Variants in ZBTB16 observed in about 807,000 individuals in gnomAD.
ZBTB16 encodes zinc finger and BTB domain-containing protein 16.
ZBTB16 carries 8 observed loss-of-function variants against 56.8 expected under a neutral mutation model. That is an observed-to-expected ratio of 0.14 (90% CI 0.08 to 0.25). ZBTB16 has a LOEUF of 0.25. Among genes scored for constraint, ZBTB16 ranks in the 10% least tolerant of loss-of-function variants. The pLI, the probability that ZBTB16 is intolerant of heterozygous loss-of-function variation, is 1.00. For missense variants in ZBTB16, 625 were observed against 903.0 expected, an observed-to-expected ratio of 0.69 and a Z score of 3.95; for synonymous variants, 363 against 368.5, an observed-to-expected ratio of 0.98 and a Z score of 0.17.
intron 4 of ZBTB16, among the ~76,000 whole-genome samples, chr11:114,220,792 G>C (rs763582331): frequency 2.4e-4 from 36 of 152,248 alleles, no homozygotes; most frequent in Non-Finnish European, 4.0e-4. Context: ...TCTAGGGACG[G>C]TCATGAGGAC....
At chr11:114,154,744 G>T (rs529600955) in intron 2 of ZBTB16, among the ~76,000 whole-genome samples, 1 of 152,194 alleles carries the variant, frequency 6.6e-6, no homozygotes, top group South Asian at 2.1e-4. Context: ...GTGTGTGTGT[G>T]TGTATGTTTG....
At chr11:114,168,700 C>G (rs913202308) in intron 3 of ZBTB16, among the ~76,000 whole-genome samples, 1 of 152,172 alleles carries the variant, frequency 6.6e-6, no homozygotes, top group African/African-American at 2.4e-5. Context: ...GCCCTGGCCT[C>G]GTGCTGTTTG....
At chr11:114,216,802 A>G (rs1025389788) in intron 4 of ZBTB16, among the ~76,000 whole-genome samples, 1 of 152,234 alleles carries the variant, frequency 6.6e-6, no homozygotes, top group African/African-American at 2.4e-5. Context: ...CATTTATTGC[A>G]TATCTACTAT....
At chr11:114,148,429 C>CTGTCTGTCTGTCTG (rs1942184607) in intron 2 of ZBTB16, among the ~76,000 whole-genome samples, 1 of 34,290 alleles carries the variant, frequency 2.9e-5, no homozygotes, top group East Asian at 4.9e-4. Context: ...CCCTCCCTCT[C>CTGTCTGTCTGTCTG]TCTCTCTTTC....
intron 2 of ZBTB16, among the ~76,000 whole-genome samples, chr11:114,081,776 G>A (rs1939770946): frequency 6.6e-6 from 1 of 152,180 alleles, no homozygotes; most frequent in African/African-American, 2.4e-5. Flanking sequence ...GTCAGGGCCA[G>A]GGGAGAAAAC....
chr11:114,160,457 G>A (rs749449894), intron 3 of ZBTB16, among the ~76,000 whole-genome samples: 4 of 151,936 alleles, frequency 2.6e-5, no homozygotes, highest in Non-Finnish European at 5.9e-5. Flanking sequence ...TCCCTATCAC[G>A]CGAAATCAGC....
chr11:114,233,032 T>TTC (rs1555159413), intron 4 of ZBTB16, among the ~76,000 whole-genome samples: 21 of 122,924 alleles, frequency 1.7e-4, no homozygotes, highest in Non-Finnish European at 2.2e-4. Flanking sequence ...CCCCAACTCA[T>TTC]CCCCGGCCCC....
intron 4 of ZBTB16, among the ~76,000 whole-genome samples, chr11:114,191,789 C>T (rs1943499270): frequency 6.6e-6 from 1 of 152,190 alleles, no homozygotes; most frequent in African/African-American, 2.4e-5. Flanking sequence ...CACATATACA[C>T]ACACACGCAT....
chr11:114,230,185 AAAC>A (rs1471908592), intron 4 of ZBTB16, among the ~76,000 whole-genome samples: 2 of 152,280 alleles, frequency 1.3e-5, no homozygotes, highest in Admixed American at 6.5e-5. Context: ...TAGGAAGGCA[AAAC>A]AACCTCTGTC....
At chr11:114,203,564 C>T (rs11602830) in intron 4 of ZBTB16, among the ~76,000 whole-genome samples, 1 of 142,250 alleles carries the variant, frequency 7.0e-6, no homozygotes, top group Non-Finnish European at 1.5e-5. Context: ...TAAAAACAAC[C>T]CCCCCGCCCC....
At chr11:114,078,209 G>A (rs1490397422) in intron 2 of ZBTB16, among the ~76,000 whole-genome samples, 2 of 152,208 alleles carry the variant, frequency 1.3e-5, no homozygotes, top group East Asian at 1.9e-4. Flanking sequence ...CAGAGTCTCT[G>A]AGAACATTTC....
intron 4 of ZBTB16, among the ~76,000 whole-genome samples, chr11:114,225,877 A>G (rs371300940): frequency 2.3e-4 from 35 of 152,358 alleles, no homozygotes; most frequent in African/African-American, 4.1e-4. Flanking sequence ...GACATTGTTC[A>G]TATATTATCT....
intron 2 of ZBTB16, among the ~76,000 whole-genome samples, chr11:114,071,655 A>G (rs1339218548): frequency 6.6e-6 from 1 of 152,200 alleles, no homozygotes; most frequent in Non-Finnish European, 1.5e-5. Context: ...CCAAGTATAT[A>G]TGACTTAGAG....
intron 2 of ZBTB16, among the ~76,000 whole-genome samples, chr11:114,094,267 G>T (rs1786850615): frequency 6.6e-6 from 1 of 152,096 alleles, no homozygotes; most frequent in Admixed American, 6.6e-5. Context: ...GTGAGCTGAG[G>T]TTGTGCCACT....
At chr11:114,115,829 G>A (rs986993815) in intron 2 of ZBTB16, among the ~76,000 whole-genome samples, 4 of 152,130 alleles carry the variant, frequency 2.6e-5, no homozygotes, top group African/African-American at 7.2e-5. Context: ...AGAGGCAGGC[G>A]CTGCCCCTAC....
At chr11:114,077,795 T>A (rs1246089894) in intron 2 of ZBTB16, among the ~76,000 whole-genome samples, 2 of 152,184 alleles carry the variant, frequency 1.3e-5, no homozygotes, top group African/African-American at 4.8e-5. Context: ...GGGTTGCAAC[T>A]GAAGAAAAGT....
At chr11:114,117,564 G>A (rs238904) in intron 2 of ZBTB16, among the ~76,000 whole-genome samples, 64,396 of 151,524 alleles carry the variant, frequency 0.42, 13,904 homozygotes, top group African/African-American at 0.48. Context: ...GGAGTTGGTT[G>A]AGACTCCTGA....
At chr11:114,219,522 T>C (rs1944180718) in intron 4 of ZBTB16, among the ~76,000 whole-genome samples, 2 of 151,920 alleles carry the variant, frequency 1.3e-5, no homozygotes. Flanking sequence ...TCAGAAGATT[T>C]AGGGTTTCTG....
chr11:114,183,640 G>A (rs559085030), intron 3 of ZBTB16, among the ~76,000 whole-genome samples: 17 of 152,278 alleles, frequency 1.1e-4, no homozygotes, highest in African/African-American at 2.6e-4. Context: ...CTGTGAGAGC[G>A]GATAGAACCC....
Sources: allele counts gnomAD v4.1 joint callset (sites outside exome capture counted in the v4.1 genomes callset), GRCh38; gene constraint gnomAD v4.1.1; transcripts MANE v1.5; gene names NCBI Gene and HGNC (gene_info 2026-07-23, HGNC 2026-07-21).